The following KIDINS220 variants were observed in gnomAD, a reference collection of about 807,000 sequenced individuals.
The protein encoded by KIDINS220 is kinase D-interacting substrate of 220 kDa.
A neutral mutation model predicts 157.6 loss-of-function variants in KIDINS220; 63 were observed. That is an observed-to-expected ratio of 0.40 (90% CI 0.33 to 0.49). The LOEUF (loss-of-function observed/expected upper bound fraction) is 0.49, where lower values mean the gene tolerates loss of function less well. Among genes scored for constraint, KIDINS220 ranks in the 20% least tolerant of loss-of-function variants. The pLI, the probability that KIDINS220 is intolerant of heterozygous loss-of-function variation, is 0.66. For missense variants in KIDINS220, 1,772 were observed against 2,171.2 expected, an observed-to-expected ratio of 0.82 and a Z score of 3.65; for synonymous variants, 732 against 783.6, an observed-to-expected ratio of 0.93 and a Z score of 1.10.
At chr2:8,767,680 AG>A in intron 22 of KIDINS220, among the ~76,000 whole-genome samples, 1 of 152,322 alleles carries the variant, frequency 6.6e-6, no homozygotes, top group East Asian at 1.9e-4. Flanking sequence ...GAGCTACAAG[AG>A]GTATGAGATG....
chr2:8,785,515 G>T (rs946474839), intron 17 of KIDINS220, among the ~76,000 whole-genome samples: 1 of 152,140 alleles, frequency 6.6e-6, no homozygotes, highest in African/African-American at 2.4e-5. Context: ...ATGTGTGGGG[G>T]AAGTGGGTAT....
In KIDINS220 at chr2:8,751,649, A is replaced by G. The variant is rs771613046; in HGVS notation, c.3012-5T>C. The G allele has an allele frequency of 6.4e-7, 1 of 1,565,084 alleles. No individual in the cohort carries two copies. The highest frequency in any genetic ancestry group is 8.7e-7 in the Non-Finnish European group (1 of 1,147,048). The stretch of plus-strand genomic sequence containing the variant: ...GTTGGAATATTCTTTGATATTCTTC[A>G]AATAAGAAATCAATGAAAAAGGTTA... On this transcript the variant is annotated splice_polypyrimidine_tract_variant and splice_region_variant and intron_variant, in intron 22 of 29. Transcript: ENST00000256707.
chr2:8,744,397 A>C (rs1370447454), intron 26 of KIDINS220, among the ~76,000 whole-genome samples: 13 of 26,288 alleles, frequency 4.9e-4, no homozygotes, highest in Admixed American at 2.1e-3. Context: ...AAATATATAT[A>C]TATAATATAT....
intron 1 of KIDINS220, among the ~76,000 whole-genome samples, chr2:8,834,945 G>A (rs961186147): frequency 5.3e-5 from 8 of 152,154 alleles, no homozygotes; most frequent in Non-Finnish European, 1.2e-4. Context: ...GGACTCAAGC[G>A]ATCCTCCTGC....
At chr2:8,773,525 C>A (rs559088604) in intron 21 of KIDINS220, among the ~76,000 whole-genome samples, 1 of 150,962 alleles carries the variant, frequency 6.6e-6, no homozygotes, top group Non-Finnish European at 1.5e-5. Flanking sequence ...CAGGCTGGAG[C>A]GCAGTGGCAC....
Position 8,729,608 on chromosome 2 carries a change from T to C in KIDINS220, c.*1112A>G. 2 of 975,768 alleles carry C rather than the reference T, an allele frequency of 2.0e-6. No homozygotes were observed. The highest frequency in any genetic ancestry group is 2.4e-6 in the Non-Finnish European group (2 of 821,142). 60.4% of individuals were successfully genotyped at this position (975,768 alleles called of 1,614,324 possible). On this transcript the variant is annotated 3_prime_UTR_variant, in exon 30 of 30. Coordinates refer to ENST00000256707, the MANE Select transcript of KIDINS220 (RefSeq NM_020738.4). ...TAGATATATATATATATTTTACCCTTGCTTTGTTACATGTTTCCAAATTTT... is the reference window on the plus strand; with the variant it reads ...TAGATATATATATATATTTTACCCTCGCTTTGTTACATGTTTCCAAATTTT...
intron 12 of KIDINS220, among the ~76,000 whole-genome samples, chr2:8,791,833 T>TA (rs1485427590): frequency 6.6e-6 from 1 of 152,078 alleles, no homozygotes; most frequent in Non-Finnish European, 1.5e-5. Flanking sequence ...CAGTTCTAAT[T>TA]AAAATCCATG....
At chr2:8,798,327 C>T (rs1478009973) in intron 9 of KIDINS220, 27 bp from the exon 10 acceptor site, 1 of 1,246,260 alleles carries the variant, frequency 8.0e-7, no homozygotes, top group South Asian at 1.2e-5. Context: ...AACACAATCA[C>T]TTCATGTAAG....
intron 15 of KIDINS220, 70 bp from the exon 16 acceptor site, chr2:8,786,427 C>A: frequency 8.8e-7 from 1 of 1,131,570 alleles, no homozygotes; most frequent in Non-Finnish European, 1.3e-6. Context: ...TGTATGTCAT[C>A]TTTGCATCAC....
At chr2:8,800,092 C>A (rs548953698) in intron 9 of KIDINS220, 10 of 259,052 alleles carry the variant, frequency 3.9e-5, no homozygotes, top group Non-Finnish European at 7.2e-6. Context: ...AAAGTGTCAC[C>A]GACTCTCTCA....
At chr2:8,833,895 A>G (rs1680012938) in intron 1 of KIDINS220, among the ~76,000 whole-genome samples, 2 of 152,214 alleles carry the variant, frequency 1.3e-5, no homozygotes, top group Non-Finnish European at 2.9e-5. Flanking sequence ...TGCTTTCACC[A>G]AAAGGCCAAT....
At chr2:8,749,560 T>TA in intron 24 of KIDINS220, 1 of 328,270 alleles carries the variant, frequency 3.0e-6, no homozygotes, top group Non-Finnish European at 6.0e-6. Flanking sequence ...TTATATTAAC[T>TA]AAAAAATTGT....
At chr2:8,815,917 T>G (rs1348478398) in intron 4 of KIDINS220, among the ~76,000 whole-genome samples, 2 of 152,154 alleles carry the variant, frequency 1.3e-5, no homozygotes, top group African/African-American at 2.4e-5. Flanking sequence ...AGGATCTCAG[T>G]GGTCACTCTC....
downstream of KIDINS220, among the ~76,000 whole-genome samples, chr2:8,728,250 G>C (rs1663535532): frequency 6.6e-6 from 1 of 152,186 alleles, no homozygotes; most frequent in Non-Finnish European, 1.5e-5. Flanking sequence ...GCTGAGCCCA[G>C]GAGGTCGAGG....
chr2:8,771,150 A>G (rs1670168028), intron 21 of KIDINS220, among the ~76,000 whole-genome samples: 1 of 152,178 alleles, frequency 6.6e-6, no homozygotes, highest in Admixed American at 6.5e-5. Context: ...AACGCCACCC[A>G]CGATCATTGA....
intron 26 of KIDINS220, among the ~76,000 whole-genome samples, chr2:8,737,496 G>A (rs1162394931): frequency 6.6e-6 from 1 of 152,190 alleles, no homozygotes; most frequent in Non-Finnish European, 1.5e-5. Context: ...AAGAGCTGAA[G>A]TTTTCAGATC....
At chr2:8,773,537 A>G (rs1670521702) in intron 21 of KIDINS220, among the ~76,000 whole-genome samples, 1 of 151,658 alleles carries the variant, frequency 6.6e-6, no homozygotes, top group African/African-American at 2.4e-5. Context: ...CAGTGGCACA[A>G]TCTCAGCTCA....
intron 14 of KIDINS220, among the ~76,000 whole-genome samples, chr2:8,789,242 C>T (rs1233550275): frequency 6.6e-6 from 1 of 150,550 alleles, no homozygotes; most frequent in African/African-American, 2.4e-5. Context: ...TGCTCAAGAG[C>T]ATACCAATGA....
intron 6 of KIDINS220, among the ~76,000 whole-genome samples, chr2:8,809,517 A>G (rs1370720378): frequency 1.3e-5 from 2 of 151,624 alleles, no homozygotes; most frequent in Non-Finnish European, 2.9e-5. Flanking sequence ...GAAAATAATA[A>G]TTATTATTCC....
Sources: allele counts gnomAD v4.1 joint callset (sites outside exome capture counted in the v4.1 genomes callset), GRCh38; gene constraint gnomAD v4.1.1; transcripts MANE v1.5; gene names NCBI Gene and HGNC (gene_info 2026-07-23, HGNC 2026-07-21).